TCF7: variants seen among roughly 807,000 people sequenced by gnomAD.
The protein encoded by TCF7 is transcription factor 7.
In TCF7, 19 loss-of-function variants were observed where a neutral mutation model predicts 46.8. The ratio of observed to expected loss-of-function variants is 0.41; its 90% CI spans 0.28 to 0.60. TCF7 has a LOEUF of 0.60. Among genes scored for constraint, TCF7 ranks in the 20% least tolerant of loss-of-function variants. The probability of loss-of-function intolerance (pLI) is 0.35; values close to 1 mark genes in which losing one functional copy is unlikely to be tolerated. For missense variants in TCF7, 547 were observed against 504.6 expected (o/e 1.08, Z -0.81); for synonymous variants, 245 against 213.4 (o/e 1.15, Z -1.29).
intron 9 of TCF7, chr5:134,145,949 G>A (rs1760633096): frequency 1.3e-6 from 2 of 1,482,486 alleles, no homozygotes; most frequent in Admixed American, 2.4e-5. Flanking sequence ...TTGGAAGACA[G>A]GAGAGATGAC....
chr5:134,125,980 G>A, intron 3 of TCF7, among the ~76,000 whole-genome samples: 1 of 152,274 alleles, frequency 6.6e-6, no homozygotes, highest in East Asian at 1.9e-4. Context: ...GGGACTGGGG[G>A]AAGCTTTGTA....
At chr5:134,132,562 T>G (rs1256739263) in intron 3 of TCF7, among the ~76,000 whole-genome samples, 1 of 152,066 alleles carries the variant, frequency 6.6e-6, no homozygotes, top group African/African-American at 2.4e-5. Flanking sequence ...GCTGGGAAAG[T>G]GTTGTGGGGC....
rs776949305 is a variant in TCF7, at chr5:134,115,996, C to G, written c.404C>G (p.Ser135Trp). 1 of 1,613,602 alleles carries G rather than the reference C, an allele frequency of 6.2e-7. No homozygotes were observed. The highest frequency in any genetic ancestry group is 8.5e-7 in the Non-Finnish European group (1 of 1,179,982). Residue 135 changes from serine (S) to tryptophan (W), a missense_variant, in exon 3 of 10, where the codon TCG becomes TGG. Transcript: ENST00000342854. ...FNLLMHYPPP[S>W]GAGQHPQPQP... ...CTGCTCATGCATTACCCACCCCCCT[C>G]GGGAGCAGGGCAGCACCCCCAGCCG...
upstream of TCF7, among the ~76,000 whole-genome samples, chr5:134,112,092 G>A (rs190963563): frequency 1.3e-3 from 197 of 152,288 alleles, no homozygotes; most frequent in Admixed American, 2.4e-3. Flanking sequence ...CTCCTGTGGG[G>A]CCGCACCAAC....
intron 8 of TCF7, 119 bp downstream of exon 8, chr5:134,143,219 G>A: frequency 8.8e-7 from 1 of 1,132,050 alleles, no homozygotes; most frequent in Non-Finnish European, 1.3e-6. Flanking sequence ...GATGAGGAAG[G>A]GCACGGAGGG....
rs986110385 is a variant in TCF7 at position 134,143,094 on chromosome 5, C to A, written c.1020C>A (p.Asp340Glu). ...MQLYPGWSARDNYGKKKRRSR... is the reference protein window; with the variant it reads ...MQLYPGWSARENYGKKKRRSR... ...TATACCCAGGCTGGTCAGCGCGGGA[C>A]AACTACGTGAGTGCCTAGTGACACA... The change falls in exon 8 of 10, where the codon GAC becomes GAA. Residue 340 changes from aspartate to glutamate, a missense_variant. Coordinates refer to ENST00000342854, the MANE Select transcript of TCF7 (RefSeq NM_003202.5). The A allele has an allele frequency of 6.2e-7, 1 of 1,603,046 alleles. No homozygotes were observed. The highest frequency in any genetic ancestry group is 8.5e-7 in the Non-Finnish European group (1 of 1,174,966).
intron 1 of TCF7, 22 bp from the exon 2 acceptor site, chr5:134,115,299 T>G: frequency 6.6e-7 from 1 of 1,520,448 alleles, no homozygotes; most frequent in Non-Finnish European, 8.9e-7. Flanking sequence ...CGCCCCTCAC[T>G]CCCCTCCGGT....
intron 3 of TCF7, among the ~76,000 whole-genome samples, chr5:134,129,149 G>A (rs148163227): frequency 5.3e-5 from 8 of 152,304 alleles, no homozygotes; most frequent in East Asian, 1.9e-4. Context: ...CACTTTCCTC[G>A]TCTGCGAAGT....
chr5:134,141,064 C>G (rs538339614), intron 5 of TCF7: 1 of 312,068 alleles, frequency 3.2e-6, no homozygotes, highest in African/African-American at 2.2e-5. Context: ...GTGCAAGTGC[C>G]AAGAGGCCTC....
At chr5:134,117,175 A>G (rs906753257) in intron 3 of TCF7, among the ~76,000 whole-genome samples, 2 of 152,222 alleles carry the variant, frequency 1.3e-5, no homozygotes, top group African/African-American at 4.8e-5. Flanking sequence ...CTGTAAAATG[A>G]GTATGTTTTT....
intron 4 of TCF7, chr5:134,138,653 C>G: frequency 2.8e-6 from 1 of 362,494 alleles, no homozygotes. Context: ...GAAAGCTAGG[C>G]TGGAGTCCCC....
chr5:134,115,785 T>C (rs1755727551), intron 2 of TCF7, 124 bp from the exon 3 acceptor site: 2 of 1,531,544 alleles, frequency 1.3e-6, no homozygotes, highest in Non-Finnish European at 1.8e-6. Flanking sequence ...TCCCAGCCCG[T>C]TCCTTCCCAA....
rs752299621 is a variant in TCF7, at chr5:134,145,844, A to G, written c.1076-380A>G. On this transcript the variant is annotated intron_variant, in intron 9 of 9. Transcript: ENST00000342854. ...GAGGACTGGGATGGCTGGGCAAGGA[A>G]GCCATAGGCATTGCGGCCCCTTGCC... 1.9e-6 allele frequency: 3 copies of G among 1,611,316 alleles called. No homozygotes were observed. The Admixed American group carries it at 5.0e-5, about 27-fold the overall frequency.
Position 134,143,010 on chromosome 5 carries a change from A to G in TCF7, c.936A>G (p.Arg312=), listed in dbSNP as rs764927964. The G allele has an allele frequency of 4.3e-6, 7 of 1,612,966 alleles. No individual in the cohort carries two copies. Among genetic ancestry groups the G allele is most frequent in the Non-Finnish European group, 5.1e-6 (6 of 1,179,474 alleles). ...TGTTGCAGTGGCACGCGCTGTCGCG[A>G]GAAGAGCAGGCCAAGTACTATGAGC... ...ILGRRWHALS[R]EEQAKYYELA... is the part of the protein sequence containing the mutation. Residue 312 remains arginine, a synonymous_variant, in exon 8 of 10, where the codon CGA becomes CGG. Coordinates refer to ENST00000342854, the MANE Select transcript of TCF7 (RefSeq NM_003202.5).
rs2149260749 is a variant in TCF7, at chr5:134,114,839, C to T, written c.-68C>T. On this transcript the variant is annotated 5_prime_UTR_variant, in exon 1 of 10. Transcript: ENST00000342854. ...GGTTCGGACTCCGGGCTCGCCGCCC[C>T]CCGGGCCGGCTCCGCGCCCCGCACT... 1.0e-6 allele frequency: 1 copy of T among 981,572 alleles called. No homozygotes were observed. Among genetic ancestry groups the T allele is most frequent in the Non-Finnish European group, 1.2e-6 (1 of 828,754 alleles). 60.8% of individuals were successfully genotyped at this position (981,572 alleles called of 1,614,324 possible).
At chr5:134,138,675 G>A in intron 4 of TCF7, 2 of 424,496 alleles carry the variant, frequency 4.7e-6, no homozygotes, top group African/African-American at 3.9e-5. Context: ...GAGCAGAGAT[G>A]CCCCAATGCC....
chr5:134,125,285 T>C (rs1757191208), intron 3 of TCF7, among the ~76,000 whole-genome samples: 1 of 152,198 alleles, frequency 6.6e-6, no homozygotes, highest in Non-Finnish European at 1.5e-5. Flanking sequence ...CTTTGTAAAC[T>C]CCACATCATT....
At chr5:134,120,025 C>A (rs994184610) in intron 3 of TCF7, among the ~76,000 whole-genome samples, 1 of 152,196 alleles carries the variant, frequency 6.6e-6, no homozygotes, top group African/African-American at 2.4e-5. Flanking sequence ...AGACCTGAAG[C>A]AGAGCTGGCG....
At chr5:134,121,319 C>T (rs1034306566) in intron 3 of TCF7, among the ~76,000 whole-genome samples, 1 of 151,834 alleles carries the variant, frequency 6.6e-6, no homozygotes, top group African/African-American at 2.4e-5. Flanking sequence ...TGCGGTGGCT[C>T]ATGCCTGTAA....
Sources: gnomAD v4.1 joint callset for allele counts (sites outside exome capture counted in the v4.1 genomes callset) on GRCh38, gnomAD v4.1.1 for gene constraint, MANE v1.5 for transcripts, NCBI Gene and HGNC (gene_info 2026-07-23, HGNC 2026-07-21) for gene names.